Variants in NEK6 observed in about 807,000 individuals in gnomAD.
The protein encoded by NEK6 is serine/threonine-protein kinase Nek6.
In NEK6, 27 loss-of-function variants were observed where a neutral mutation model predicts 43.5. That is an observed-to-expected ratio of 0.62 (90% CI 0.46 to 0.86). The LOEUF is 0.86. Among genes scored for constraint, NEK6 ranks in the 40% least tolerant of loss-of-function variants. NEK6 has a pLI of 0.00. For synonymous variants in NEK6, 167 were observed against 164.1 expected (o/e 1.02, Z -0.14); for missense variants, 318 against 414.4 (o/e 0.77, Z 2.02).
At chr9:124,280,547 A>G (rs558732874) in intron 1 of NEK6, among the ~76,000 whole-genome samples, 1 of 152,350 alleles carries the variant, frequency 6.6e-6, no homozygotes, top group African/African-American at 2.4e-5. Flanking sequence ...CTGCTGTCCC[A>G]GCACTGGGTA....
chr9:124,288,349 C>T (rs907870205), intron 1 of NEK6, among the ~76,000 whole-genome samples: 3 of 152,164 alleles, frequency 2.0e-5, no homozygotes, highest in African/African-American at 7.2e-5. Flanking sequence ...TCACTGCAAC[C>T]TCTGCCTCCT....
chr9:124,322,215 C>A (rs767556399), intron 5 of NEK6, among the ~76,000 whole-genome samples: 1 of 152,188 alleles, frequency 6.6e-6, no homozygotes, highest in African/African-American at 2.4e-5. Context: ...AACTTCATTT[C>A]CATGTTAGGG....
Position 124,347,808 on chromosome 9 carries a change from C to T in NEK6, c.817C>T (p.His273Tyr). The T allele has an allele frequency of 6.2e-7, 1 of 1,609,050 alleles. No individual in the cohort carries two copies. Among genetic ancestry groups the T allele is most frequent in the Non-Finnish European group, 8.5e-7 (1 of 1,176,048 alleles). The change falls in exon 9 of 10, where the codon CAC becomes TAC. Residue 273 changes from histidine to tyrosine, a missense_variant. Transcript: ENST00000320246. ...QCDYPPLPGE[H>Y]YSEKLRELVS... is the part of the protein sequence containing the mutation. ...TGACTACCCCCCACTCCCCGGGGAG[C>T]ACTACTCCGAGAAGGTGAGTTTGCA... is the stretch of plus-strand genomic sequence containing the variant.
chr9:124,339,950 C>T (rs569239398), intron 8 of NEK6, among the ~76,000 whole-genome samples: 1 of 152,202 alleles, frequency 6.6e-6, no homozygotes, highest in African/African-American at 2.4e-5. Flanking sequence ...CCCCAGCTGC[C>T]CCTGCCCCCG....
chr9:124,258,085 G>C lies in NEK6; in HGVS notation c.-30G>C, dbSNP rs112601072. The C allele has an allele frequency of 2.0e-6, 2 of 979,202 alleles. No individual in the cohort carries two copies. The highest frequency in any genetic ancestry group is 2.4e-6 in the Non-Finnish European group (2 of 827,594). The allele number at this position is 979,202 out of a possible 1,614,324, so 60.7% of individuals were successfully genotyped here. A position where few individuals can be genotyped will look rare whatever the true frequency, so the allele number is the denominator to read the frequency against. On this transcript the variant is annotated splice_region_variant and 5_prime_UTR_variant, in exon 1 of 10. Coordinates refer to ENST00000320246, the MANE Select transcript of NEK6 (RefSeq NM_014397.6). ...CGGCAGCCGAGCCCGCCCGCGCGCC[G>C]GTGAGTCGCCTGGGGCTGGGGCCGG...
At chr9:124,344,904 T>A (rs1283218530) in intron 8 of NEK6, among the ~76,000 whole-genome samples, 1 of 152,186 alleles carries the variant, frequency 6.6e-6, no homozygotes, top group Non-Finnish European at 1.5e-5. Context: ...CCCTCCGTGG[T>A]GGAGGAGCAG....
At chr9:124,344,290 C>T (rs1829803247) in intron 8 of NEK6, among the ~76,000 whole-genome samples, 2 of 152,162 alleles carry the variant, frequency 1.3e-5, no homozygotes, top group Non-Finnish European at 2.9e-5. Flanking sequence ...ATTTACAAGT[C>T]CCAAAAATTC....
intron 3 of NEK6, 25 bp from the exon 4 acceptor site, chr9:124,313,898 A>G (rs369932174): frequency 2.5e-6 from 4 of 1,613,598 alleles, no homozygotes; most frequent in Non-Finnish European, 3.4e-6. Context: ...TAACCACTCT[A>G]TTTCTCTTTT....
At chr9:124,321,406 G>C (rs1834057534) in intron 4 of NEK6, 53 bp from the exon 5 acceptor site, 2 of 1,225,926 alleles carry the variant, frequency 1.6e-6, no homozygotes, top group South Asian at 1.2e-5. Flanking sequence ...GCAGGCACTG[G>C]GTCTGTCCCG....
rs112744733 is a variant in NEK6, at chr9:124,326,944, G to A, written c.515-394G>A. 7.2e-3 allele frequency among the ~76,000 whole-genome samples: 1,095 copies of A among 152,214 alleles called. 13 individuals are homozygous for A. Among genetic ancestry groups the A allele is most frequent in the African/African-American group, 0.025 (1,046 of 41,540 alleles). On this transcript the variant is annotated intron_variant, in intron 6 of 9. Transcript: ENST00000320246. The surrounding 1 kb of genome is among the most constrained non-coding windows in gnomAD (Gnocchi z 4.5). ...TGGTGTCTGCTGTATTGGAGGCCCC[G>A]CCCTCACTGGGGGGTACGGCACTGG...
chr9:124,313,440 T>G (rs545380540), intron 3 of NEK6, among the ~76,000 whole-genome samples: 2 of 152,054 alleles, frequency 1.3e-5, no homozygotes, highest in Admixed American at 6.5e-5. Flanking sequence ...CGTGATCAGC[T>G]CACTGCAACC....
At chr9:124,346,146 G>C (rs538768861) in intron 8 of NEK6, among the ~76,000 whole-genome samples, 1 of 152,312 alleles carries the variant, frequency 6.6e-6, no homozygotes, top group African/African-American at 2.4e-5. Flanking sequence ...GGCCTGGCCT[G>C]GGCTCCTGGT....
intron 1 of NEK6, among the ~76,000 whole-genome samples, chr9:124,287,785 A>G: frequency 6.6e-6 from 1 of 151,966 alleles, no homozygotes. Context: ...AGATTGCACC[A>G]TTGCACTCCA....
chr9:124,277,114 C>T (rs1831680185), intron 1 of NEK6, among the ~76,000 whole-genome samples: 1 of 152,180 alleles, frequency 6.6e-6, no homozygotes, highest in African/African-American at 2.4e-5. Context: ...ATTCCTGAGC[C>T]TCTCAGCTAC....
intron 7 of NEK6, among the ~76,000 whole-genome samples, chr9:124,330,847 C>CCCCAGGGAG (rs1828944094): frequency 6.6e-6 from 1 of 152,042 alleles, no homozygotes; most frequent in South Asian, 2.1e-4. Flanking sequence ...CTATACAGAG[C>CCCCAGGGAG]CCCAGGGAGC....
chr9:124,310,817 C>T (rs1182141708), intron 2 of NEK6, among the ~76,000 whole-genome samples: 1 of 152,108 alleles, frequency 6.6e-6, no homozygotes, highest in African/African-American at 2.4e-5. Flanking sequence ...AAACTCCTGA[C>T]CTTAAGTGAT....
At chr9:124,258,171 A>G in intron 1 of NEK6, 86 bp downstream of exon 1, 5 of 973,186 alleles carry the variant, frequency 5.1e-6, no homozygotes, top group Non-Finnish European at 6.1e-6. Context: ...CGTCACCCCC[A>G]GCCGGGCCGA....
At chr9:124,313,798 G>A (rs1046727334) in intron 3 of NEK6, 125 bp from the exon 4 acceptor site, 8 of 868,650 alleles carry the variant, frequency 9.2e-6, no homozygotes, top group Admixed American at 2.1e-5. Flanking sequence ...AGTGCAGGGG[G>A]GGGTCACAGA....
In NEK6 at chr9:124,301,992, C is replaced by T; in HGVS notation, c.28C>T (p.His10Tyr). The stretch of plus-strand genomic sequence containing the variant: ...GGCAGGACAGCCCGGCCACATGCCC[C>T]ATGGAGGGAGTTCCAACAACCTCTG... MAGQPGHMPHGGSSNNLCHT... is the reference protein window; with the variant it reads MAGQPGHMPYGGSSNNLCHT... The change falls in exon 2 of 10, where the codon CAT (histidine) becomes TAT (tyrosine). Residue 10 changes from histidine (H) to tyrosine (Y), a missense_variant. By Grantham distance (83) the His-to-Tyr change is moderately conservative (BLOSUM62 2). Transcript: ENST00000320246. The T allele has an allele frequency of 6.2e-7, 1 of 1,604,616 alleles. No individual in the cohort carries two copies. Among genetic ancestry groups the T allele is most frequent in the Non-Finnish European group, 8.5e-7 (1 of 1,175,630 alleles).
Sources: gnomAD v4.1 joint callset for allele counts (sites outside exome capture counted in the v4.1 genomes callset) on GRCh38, gnomAD v4.1.1 for gene constraint, Gnocchi (gnomAD v3.1) non-coding constraint, MANE v1.5 for transcripts, NCBI Gene and HGNC (gene_info 2026-07-23, HGNC 2026-07-21) for gene names.